The following USH2A variants were observed in gnomAD, a reference collection of about 807,000 sequenced individuals.
The protein encoded by USH2A is usherin.
In USH2A, 443 loss-of-function variants were observed where a neutral mutation model predicts 538.9. That is an observed-to-expected ratio of 0.82 (90% CI 0.76 to 0.89). The LOEUF (loss-of-function observed/expected upper bound fraction) is 0.89. Among genes scored for constraint, USH2A ranks in the 40% least tolerant of loss-of-function variants. The probability of loss-of-function intolerance (pLI) is 0.00; values close to 1 mark genes in which losing one functional copy is unlikely to be tolerated. For missense variants in USH2A, 6,633 were observed against 6,324.8 expected (o/e 1.05, Z -1.65); for synonymous variants, 2,413 against 2,273.5 (o/e 1.06, Z -1.75).
intron 61 of USH2A, among the ~76,000 whole-genome samples, chr1:215,725,630 A>T (rs1659790136): frequency 6.6e-6 from 1 of 152,234 alleles, no homozygotes; most frequent in Non-Finnish European, 1.5e-5. Flanking sequence ...TTGAATACAC[A>T]CATACACATT....
At chr1:216,334,333 T>C (rs1330836070) in intron 4 of USH2A, among the ~76,000 whole-genome samples, 3 of 151,866 alleles carry the variant, frequency 2.0e-5, no homozygotes, top group Admixed American at 2.0e-4. Context: ...ACAAACATAG[T>C]AGAATAAATG....
intron 64 of USH2A, among the ~76,000 whole-genome samples, chr1:215,655,725 C>A (rs903092993): frequency 1.0e-5 from 1 of 96,192 alleles, no homozygotes; most frequent in African/African-American, 3.9e-5. Flanking sequence ...GCTAGTTATT[C>A]TTTTTTTTTT....
intron 3 of USH2A, among the ~76,000 whole-genome samples, chr1:216,414,209 A>C (rs2039539312): frequency 6.6e-6 from 1 of 152,132 alleles, no homozygotes; most frequent in Non-Finnish European, 1.5e-5. Flanking sequence ...TAGTATAAAA[A>C]ATGACACAAT....
chr1:216,068,665 A>T lies in USH2A; in HGVS notation c.6049+1436T>A, dbSNP rs78702496. 6.2e-3 allele frequency among the ~76,000 whole-genome samples: 945 copies of T among 152,300 alleles called. 9 individuals are homozygous for T. The highest frequency in any genetic ancestry group is 9.3e-3 in the Non-Finnish European group (633 of 68,024). The stretch of plus-strand genomic sequence containing the variant: ...AACAGAAAGAGTCAGGGTCCAGAGG[A>T]CTTGTGAAGATTTCTATTTTTGATA... On this transcript the variant is annotated intron_variant, in intron 30 of 71. Transcript: ENST00000307340.
chr1:216,213,558 T>C (rs1572056831), intron 15 of USH2A, among the ~76,000 whole-genome samples: 1 of 152,160 alleles, frequency 6.6e-6, no homozygotes, highest in East Asian at 1.9e-4. Context: ...AGAACTTAGA[T>C]GCTTAACTCA....
At chr1:216,015,907 C>G (rs190401792) in intron 32 of USH2A, among the ~76,000 whole-genome samples, 3 of 152,022 alleles carry the variant, frequency 2.0e-5, no homozygotes, top group African/African-American at 7.3e-5. Flanking sequence ...TGTTTATTGC[C>G]GCACTATTCA....
chr1:216,043,038 C>T (rs551647529), intron 32 of USH2A, among the ~76,000 whole-genome samples: 1 of 152,152 alleles, frequency 6.6e-6, no homozygotes, highest in Admixed American at 6.6e-5. Flanking sequence ...TTAAAGTCAC[C>T]CAGTTTTGTT....
intron 62 of USH2A, among the ~76,000 whole-genome samples, 196 bp from the exon 63 acceptor site, chr1:215,675,812 T>TTCTTTGCC (rs1658005277): frequency 6.6e-6 from 1 of 152,222 alleles, no homozygotes; most frequent in Non-Finnish European, 1.5e-5. Flanking sequence ...AACAATGTTT[T>TTCTTTGCC]TCTTTGCCTT....
intron 9 of USH2A, among the ~76,000 whole-genome samples, chr1:216,316,702 C>T (rs1311229936): frequency 1.3e-5 from 2 of 152,100 alleles, no homozygotes; most frequent in Non-Finnish European, 2.9e-5. Flanking sequence ...GAGCTGGTAT[C>T]TCATTGTGGT....
intron 38 of USH2A, among the ~76,000 whole-genome samples, chr1:215,907,954 G>A (rs978360553): frequency 3.9e-5 from 6 of 151,944 alleles, no homozygotes; most frequent in East Asian, 1.9e-4. Flanking sequence ...TTAGAATCCC[G>A]AACATATTTT....
chr1:216,309,380 G>A (rs7549414), intron 9 of USH2A, among the ~76,000 whole-genome samples: 2,319 of 152,220 alleles, frequency 0.015, 58 homozygotes, highest in African/African-American at 0.053. Context: ...CCCTAATTCA[G>A]CCTCTGCTCA....
intron 43 of USH2A, among the ~76,000 whole-genome samples, chr1:215,874,359 C>A (rs958223995): frequency 1.3e-5 from 2 of 152,126 alleles, no homozygotes; most frequent in African/African-American, 4.8e-5. Context: ...GATAATGAGG[C>A]AACTAGCTGT....
intron 32 of USH2A, among the ~76,000 whole-genome samples, chr1:216,012,767 C>T (rs943381351): frequency 1.3e-4 from 20 of 152,328 alleles, no homozygotes; most frequent in African/African-American, 4.8e-4. Flanking sequence ...TCTCAGAAGT[C>T]AGGCCTGTCC....
intron 61 of USH2A, among the ~76,000 whole-genome samples, chr1:215,699,526 G>T (rs1658936032): frequency 6.6e-6 from 1 of 152,034 alleles, no homozygotes; most frequent in Non-Finnish European, 1.5e-5. Flanking sequence ...CCTTGGGGAG[G>T]TCCTTCACAA....
intron 26 of USH2A, 106 bp downstream of exon 26, chr1:216,083,350 A>T (rs1307629545): frequency 1.6e-6 from 2 of 1,286,276 alleles, no homozygotes; most frequent in Non-Finnish European, 2.1e-6. Context: ...AACAAATGTG[A>T]ATTTGTAAAG....
At chr1:215,875,636 A>G (rs1467104967) in intron 43 of USH2A, among the ~76,000 whole-genome samples, 3 of 152,056 alleles carry the variant, frequency 2.0e-5, no homozygotes, top group African/African-American at 7.2e-5. Flanking sequence ...TTCTTGTATA[A>G]AGAAACAAAA....
chr1:215,658,072 C>T (rs1427890587), intron 64 of USH2A, among the ~76,000 whole-genome samples: 2 of 151,632 alleles, frequency 1.3e-5, no homozygotes, highest in Non-Finnish European at 2.9e-5. Context: ...TAGCCTGGGA[C>T]TACAGGCGCA....
chr1:216,158,045 C>T (rs1399370674), intron 21 of USH2A, among the ~76,000 whole-genome samples: 1 of 151,988 alleles, frequency 6.6e-6, no homozygotes, highest in Non-Finnish European at 1.5e-5. Flanking sequence ...TAAGATTCAC[C>T]CACATTGTTC....
chr1:216,338,991 T>G (rs1029616746), intron 4 of USH2A, among the ~76,000 whole-genome samples: 2 of 151,570 alleles, frequency 1.3e-5, no homozygotes, highest in Non-Finnish European at 3.0e-5. Flanking sequence ...TAAGAATACT[T>G]AAGAAGCCTA....
Sources: gnomAD v4.1 joint callset for allele counts (sites outside exome capture counted in the v4.1 genomes callset) on GRCh38, gnomAD v4.1.1 for gene constraint, MANE v1.5 for transcripts, NCBI Gene and HGNC (gene_info 2026-07-23, HGNC 2026-07-21) for gene names.